Variants in CSMD1 observed in about 807,000 individuals in gnomAD.
CSMD1 encodes CUB and Sushi multiple domains 1.
Under a neutral mutation model 417.5 loss-of-function variants are expected in CSMD1, and 213 were observed. That is an observed-to-expected ratio of 0.51 (90% CI 0.46 to 0.57). The LOEUF is 0.57. Among genes scored for constraint, CSMD1 ranks in the 20% least tolerant of loss-of-function variants. The pLI is 0.00. For missense variants in CSMD1, 6,923 were observed against 4,529.7 expected (o/e 1.53, Z -15.17); for synonymous variants, 2,862 against 1,736.8 (o/e 1.65, Z -16.11).
At chr8:3,061,846 TA>T (rs559583940) in intron 49 of CSMD1, among the ~76,000 whole-genome samples, 595 of 152,318 alleles carry the variant, frequency 3.9e-3, no homozygotes, top group African/African-American at 0.013. Flanking sequence ...CTATTTTTTT[TA>T]TTACTTGTAA....
intron 12 of CSMD1, among the ~76,000 whole-genome samples, chr8:3,417,187 A>T (rs564744285): frequency 1.3e-5 from 2 of 152,198 alleles, no homozygotes; most frequent in East Asian, 1.9e-4. Flanking sequence ...AGATTCTTCA[A>T]GTTATCACAA....
At chr8:2,953,340 C>T (rs1436323613) in intron 65 of CSMD1, among the ~76,000 whole-genome samples, 1 of 151,814 alleles carries the variant, frequency 6.6e-6, no homozygotes, top group Non-Finnish European at 1.5e-5. Context: ...ATGTGTCACA[C>T]AGCATCCTGA....
At chr8:4,461,840 C>T (rs965781930) in intron 2 of CSMD1, among the ~76,000 whole-genome samples, 4 of 150,426 alleles carry the variant, frequency 2.7e-5, no homozygotes, top group Non-Finnish European at 4.4e-5. Context: ...TACGGGGTTC[C>T]CGCCATTCTC....
At chr8:4,237,325 G>A (rs752314916) in intron 3 of CSMD1, among the ~76,000 whole-genome samples, 1 of 152,010 alleles carries the variant, frequency 6.6e-6, no homozygotes, top group Non-Finnish European at 1.5e-5. Flanking sequence ...TCCTTGAACA[G>A]TAAATAAACT....
At position 3,681,259 on chromosome 8, in the gene CSMD1, G is replaced by A. The variant is rs1799647207; in HGVS notation, c.1009+27155C>T. 2.0e-5 allele frequency among the ~76,000 whole-genome samples: 3 copies of A among 152,184 alleles called. No homozygotes were observed. In the South Asian group the frequency reaches 6.2e-4, roughly 32 times the overall value. ...AGAGGAAGTCAAATCGTCCCTCTTT[G>A]CAGATGACATGATTGTATATTTAGA... On this transcript the variant is annotated intron_variant, in intron 7 of 69. Coordinates refer to ENST00000635120, the MANE Select transcript of CSMD1 (RefSeq NM_033225.6).
intron 2 of CSMD1, among the ~76,000 whole-genome samples, chr8:4,610,488 C>G (rs1395220236): frequency 6.6e-6 from 1 of 152,162 alleles, no homozygotes; most frequent in African/African-American, 2.4e-5. Context: ...CAAGCTGAGA[C>G]TCCATAAACA....
At chr8:4,946,849 G>C (rs1262118082) in intron 1 of CSMD1, among the ~76,000 whole-genome samples, 1 of 151,992 alleles carries the variant, frequency 6.6e-6, no homozygotes, top group Non-Finnish European at 1.5e-5. Context: ...CATTTATTTT[G>C]ACATAAGATT....
intron 2 of CSMD1, among the ~76,000 whole-genome samples, chr8:4,464,279 CATT>C (rs768849555): frequency 6.6e-5 from 10 of 151,838 alleles, no homozygotes; most frequent in South Asian, 2.1e-4. Flanking sequence ...AAGCACAGGG[CATT>C]ATTATGTATG....
At chr8:4,984,525 A>G (rs568002142) in intron 1 of CSMD1, among the ~76,000 whole-genome samples, 1 of 152,256 alleles carries the variant, frequency 6.6e-6, no homozygotes, top group East Asian at 1.9e-4. Context: ...GAAAAACACA[A>G]AGTTTTCTTG....
intron 5 of CSMD1, among the ~76,000 whole-genome samples, chr8:3,880,698 C>A (rs1462676595): frequency 2.0e-5 from 3 of 152,178 alleles, no homozygotes; most frequent in African/African-American, 7.2e-5. Flanking sequence ...TTTCCCAAAT[C>A]CTCAGCTCCA....
chr8:4,025,502 G>A (rs188671364), intron 4 of CSMD1, among the ~76,000 whole-genome samples: 7 of 152,270 alleles, frequency 4.6e-5, no homozygotes, highest in Admixed American at 1.3e-4. Flanking sequence ...AGAGGCAAAA[G>A]CATTTTTCAT....
At chr8:4,539,655 T>C (rs1374529252) in intron 2 of CSMD1, among the ~76,000 whole-genome samples, 2 of 152,132 alleles carry the variant, frequency 1.3e-5, no homozygotes, top group African/African-American at 2.4e-5. Flanking sequence ...AATGGTAAAA[T>C]AACTGAGAAT....
At chr8:3,204,379 A>T (rs1326912803) in intron 31 of CSMD1, among the ~76,000 whole-genome samples, 1 of 149,960 alleles carries the variant, frequency 6.7e-6, no homozygotes, top group African/African-American at 2.5e-5. Flanking sequence ...AATCAGGGGA[A>T]TACTGCTGAG....
intron 26 of CSMD1, among the ~76,000 whole-genome samples, chr8:3,235,252 A>C (rs1321455173): frequency 2.6e-5 from 4 of 152,182 alleles, no homozygotes; most frequent in Non-Finnish European, 5.9e-5. Flanking sequence ...CAGGGATAAC[A>C]GTTTCATTAT....
At chr8:3,742,933 G>T (rs544078363) in intron 6 of CSMD1, among the ~76,000 whole-genome samples, 43 of 152,246 alleles carry the variant, frequency 2.8e-4, no homozygotes, top group Middle Eastern at 6.8e-3. Flanking sequence ...GCCTCATGTC[G>T]CACTCATCTT....
chr8:2,940,971 G>C (rs149958912), intron 69 of CSMD1, among the ~76,000 whole-genome samples: 11 of 152,198 alleles, frequency 7.2e-5, no homozygotes, highest in Non-Finnish European at 1.5e-4. Context: ...CCTTTAAGAA[G>C]AGAAGCTCAT....
intron 55 of CSMD1, 134 bp downstream of exon 55, chr8:2,978,478 A>C: frequency 1.4e-6 from 1 of 702,162 alleles, no homozygotes; most frequent in Non-Finnish European, 2.3e-6. Context: ...GCTATCATAA[A>C]AACTCCTACA....
chr8:3,321,361 C>T (rs1367193574), intron 23 of CSMD1, among the ~76,000 whole-genome samples: 1 of 152,150 alleles, frequency 6.6e-6, no homozygotes, highest in Non-Finnish European at 1.5e-5. Context: ...TCCAGATCCT[C>T]CCTGCCCTTT....
intron 23 of CSMD1, among the ~76,000 whole-genome samples, chr8:3,330,030 G>C (rs1420702501): frequency 1.3e-5 from 2 of 152,194 alleles, no homozygotes; most frequent in African/African-American, 4.8e-5. Context: ...GGAATGGACT[G>C]TATAAGAAGC....
Sources: allele counts gnomAD v4.1 joint callset (sites outside exome capture counted in the v4.1 genomes callset), GRCh38; gene constraint gnomAD v4.1.1; transcripts MANE v1.5; gene names NCBI Gene and HGNC (gene_info 2026-07-23, HGNC 2026-07-21).